SPECC1: variants seen among roughly 807,000 people sequenced by gnomAD.
SPECC1 encodes sperm antigen with calponin homology and coiled-coil domains 1.
SPECC1 carries 62 observed loss-of-function variants against 104.1 expected under a neutral mutation model. That is an observed-to-expected ratio of 0.60 (90% confidence interval 0.49 to 0.74). SPECC1 has a LOEUF of 0.74. Ranked by LOEUF, SPECC1 falls within the 30% of genes least tolerant of loss-of-function variation. The pLI is 0.00. For synonymous variants in SPECC1, 513 were observed against 501.6 expected, an observed-to-expected ratio of 1.02 and a Z score of -0.30; for missense variants, 1,306 against 1,310.5, an observed-to-expected ratio of 1.00 and a Z score of 0.05.
chr17:20,021,486 G>A (rs756812402), intron 1 of SPECC1, among the ~76,000 whole-genome samples: 2 of 151,668 alleles, frequency 1.3e-5, no homozygotes, highest in Non-Finnish European at 2.9e-5. Context: ...AATGAGCCTC[G>A]TACATGTCTC....
At position 20,205,572 on chromosome 17, in the gene SPECC1, T is replaced by A. The variant is rs150373129; in HGVS notation, c.1523T>A (p.Met508Lys). ...VEEENQGALE[M>K]IKRLKEENEK... ...GAAGAAAACCAAGGAGCTTTAGAAA[T>A]GATTAAACGTCTGAAGGAAGAAAAT... The change falls in exon 4 of 15, where the codon ATG (methionine) becomes AAG (lysine). Residue 508 changes from methionine (M) to lysine (K), a missense_variant. Around this residue, in one of 2 missense-constraint regions of SPECC1, gnomAD observed 1,177 missense variants for 1,139.9 expected, o/e 1.03. Transcript: ENST00000395527. 1.2e-6 allele frequency: 2 copies of A among 1,613,824 alleles called. No homozygotes were observed. Among genetic ancestry groups the A allele is most frequent in the Non-Finnish European group, 1.7e-6 (2 of 1,179,988 alleles).
intron 3 of SPECC1, chr17:20,156,092 A>G: frequency 1.5e-6 from 2 of 1,342,930 alleles, no homozygotes; most frequent in East Asian, 3.1e-5. Context: ...ACTGGAGCGG[A>G]CCCGCCGGAC....
intron 12 of SPECC1, among the ~76,000 whole-genome samples, chr17:20,265,704 T>G (rs910371070): frequency 3.3e-5 from 5 of 152,246 alleles, no homozygotes; most frequent in Admixed American, 6.5e-5. Flanking sequence ...TAGGTTTTCT[T>G]CTAGGATTTT....
intron 1 of SPECC1, among the ~76,000 whole-genome samples, chr17:20,066,585 A>G (rs1567821665): frequency 6.6e-6 from 1 of 152,198 alleles, no homozygotes; most frequent in Non-Finnish European, 1.5e-5. Flanking sequence ...TACAGAATCC[A>G]GGAGGAGAGT....
intron 5 of SPECC1, among the ~76,000 whole-genome samples, chr17:20,230,763 T>C (rs1206454667): frequency 1.3e-5 from 2 of 152,206 alleles, no homozygotes; most frequent in Non-Finnish European, 2.9e-5. Flanking sequence ...CACAGAGACC[T>C]AGGGACACAT....
intron 1 of SPECC1, among the ~76,000 whole-genome samples, chr17:20,078,755 A>G (rs911628632): frequency 2.6e-5 from 4 of 152,212 alleles, no homozygotes; most frequent in East Asian, 3.8e-4. Flanking sequence ...TAAGCTATAT[A>G]TTTTTATTTG....
intron 12 of SPECC1, among the ~76,000 whole-genome samples, chr17:20,287,128 ATGGCTTT>A (rs1238867372): frequency 6.6e-6 from 1 of 152,150 alleles, no homozygotes; most frequent in Non-Finnish European, 1.5e-5. Context: ...TTTAAATGAC[ATGGCTTT>A]GGCCGGGCGC....
chr17:20,026,948 T>TTA (rs1227686657), intron 1 of SPECC1, among the ~76,000 whole-genome samples: 2 of 149,632 alleles, frequency 1.3e-5, no homozygotes, highest in African/African-American at 5.1e-5. Flanking sequence ...CCAGCATCCA[T>TTA]TATATTTTGT....
chr17:20,306,012 T>C lies in SPECC1; in HGVS notation c.3058-11T>C. 6.2e-7 allele frequency: 1 copy of C among 1,613,380 alleles called. No homozygotes were observed. Among genetic ancestry groups the C allele is most frequent in the Non-Finnish European group, 8.5e-7 (1 of 1,179,770 alleles). On this transcript the variant is annotated splice_polypyrimidine_tract_variant and intron_variant, in intron 13 of 14. Transcript: ENST00000395527. ...ATTACTGATTCCAGTCTCTTTGTCT[T>C]TTTAACTTAGAAGAGGAATCTCTTG...
chr17:20,089,489 G>A (rs1056905658), intron 1 of SPECC1, among the ~76,000 whole-genome samples: 2 of 151,972 alleles, frequency 1.3e-5, no homozygotes, highest in African/African-American at 4.8e-5. Context: ...TTAGCCAGGC[G>A]TGGTGACACA....
At chr17:20,235,547 G>T (rs140078789) in intron 7 of SPECC1, among the ~76,000 whole-genome samples, 1 of 152,098 alleles carries the variant, frequency 6.6e-6, no homozygotes, top group Non-Finnish European at 1.5e-5. Context: ...ATATTGTGCC[G>T]CATACAAGCT....
chr17:20,170,095 C>G (rs2033971307), intron 3 of SPECC1, among the ~76,000 whole-genome samples: 1 of 152,198 alleles, frequency 6.6e-6, no homozygotes, highest in Non-Finnish European at 1.5e-5. Flanking sequence ...TTCCATTGCC[C>G]TTGCTGCCCT....
chr17:20,027,390 C>T (rs2044638741), intron 1 of SPECC1, among the ~76,000 whole-genome samples: 1 of 152,086 alleles, frequency 6.6e-6, no homozygotes, highest in Non-Finnish European at 1.5e-5. Flanking sequence ...TCTTTTCATT[C>T]TGTTGTTTCC....
chr17:20,051,227 G>A (rs890969430), intron 1 of SPECC1, among the ~76,000 whole-genome samples: 4 of 149,522 alleles, frequency 2.7e-5, no homozygotes, highest in South Asian at 4.2e-4. Context: ...TCAGGCTGGA[G>A]TGCAGTGGTG....
At chr17:20,084,177 C>T (rs1267163144) in intron 1 of SPECC1, among the ~76,000 whole-genome samples, 1 of 152,154 alleles carries the variant, frequency 6.6e-6, no homozygotes, top group Non-Finnish European at 1.5e-5. Context: ...CGCCTGTAAT[C>T]CCAGCACTTT....
At chr17:20,299,124 T>A (rs1005308557) in intron 13 of SPECC1, among the ~76,000 whole-genome samples, 9 of 151,924 alleles carry the variant, frequency 5.9e-5, no homozygotes, top group Non-Finnish European at 1.0e-4. Context: ...ACAGTCCCAA[T>A]GTGAAGGCCA....
chr17:20,180,965 A>G (rs1290756574), intron 3 of SPECC1, among the ~76,000 whole-genome samples: 1 of 150,048 alleles, frequency 6.7e-6, no homozygotes, highest in Non-Finnish European at 1.5e-5. Flanking sequence ...TTTGTATGCA[A>G]TAACCTGTCC....
intron 12 of SPECC1, among the ~76,000 whole-genome samples, chr17:20,273,484 G>A (rs1033267800): frequency 4.0e-5 from 6 of 150,076 alleles, no homozygotes. Flanking sequence ...AAAAGAAGAG[G>A]CCTGGGGGTG....
intron 7 of SPECC1, among the ~76,000 whole-genome samples, chr17:20,242,494 G>A (rs933982513): frequency 6.6e-6 from 1 of 152,152 alleles, no homozygotes; most frequent in Non-Finnish European, 1.5e-5. Context: ...GCCTGCAACT[G>A]TTGTTCTCTA....
Sources: allele counts gnomAD v4.1 joint callset (sites outside exome capture counted in the v4.1 genomes callset), GRCh38; gene constraint gnomAD v4.1.1; regional missense constraint gnomAD v4.1.1; transcripts MANE v1.5; gene names NCBI Gene and HGNC (gene_info 2026-07-23, HGNC 2026-07-21).